Variants in FBXL17 observed in about 807,000 individuals in gnomAD.
FBXL17 encodes the protein F-box and leucine rich repeat protein 17.
FBXL17 carries 22 observed loss-of-function variants against 66.2 expected under a neutral mutation model. The ratio of observed to expected loss-of-function variants is 0.33; its 90% CI spans 0.24 to 0.47. The LOEUF (loss-of-function observed/expected upper bound fraction) is 0.47, where lower values mean the gene tolerates loss of function less well. Among genes scored for constraint, FBXL17 ranks in the 20% least tolerant of loss-of-function variants. FBXL17 has a pLI of 1.00. For missense variants in FBXL17, 878 were observed against 948.2 expected, an observed-to-expected ratio of 0.93 and a Z score of 0.97; for synonymous variants, 474 against 400.5, an observed-to-expected ratio of 1.18 and a Z score of -2.19.
chr5:108,222,958 T>G (rs1417402889), intron 5 of FBXL17, among the ~76,000 whole-genome samples: 1 of 151,916 alleles, frequency 6.6e-6, no homozygotes, highest in Non-Finnish European at 1.5e-5. Flanking sequence ...ACAGGAGTGA[T>G]CCATTGTGCC....
At chr5:108,199,715 A>G (rs1462657349) in intron 5 of FBXL17, among the ~76,000 whole-genome samples, 2 of 152,178 alleles carry the variant, frequency 1.3e-5, no homozygotes, top group African/African-American at 4.8e-5. Flanking sequence ...CTTAAAGAAA[A>G]TAAATATCAT....
At chr5:107,911,348 A>C (rs949212143) in intron 7 of FBXL17, among the ~76,000 whole-genome samples, 1 of 152,160 alleles carries the variant, frequency 6.6e-6, no homozygotes. Flanking sequence ...TGCCAATATC[A>C]CATATAAAAA....
At chr5:108,297,694 T>G (rs745565069) in intron 4 of FBXL17, 4 of 300,308 alleles carry the variant, frequency 1.3e-5, no homozygotes, top group Non-Finnish European at 2.0e-5. Flanking sequence ...GCTTTCAAAA[T>G]TAGCATTCAG....
rs544088657 is a variant in FBXL17, at chr5:108,087,130, A to C, written c.1746-66129T>G. Among the ~76,000 whole-genome samples the C allele has an allele frequency of 2.6e-5, 4 of 152,190 alleles. No homozygotes were observed. The South Asian group carries it at 8.3e-4, about 32-fold the overall frequency. The stretch of plus-strand genomic sequence containing the variant: ...GCTGATGGATTGAGGAAATTCTGAA[A>C]CCTACCCAACCTCTGAGCCTCTGTT... On this transcript the variant is annotated intron_variant, in intron 6 of 8. Transcript: ENST00000542267.
At chr5:107,925,789 C>T (rs1221638825) in intron 7 of FBXL17, among the ~76,000 whole-genome samples, 1 of 152,116 alleles carries the variant, frequency 6.6e-6, no homozygotes, top group Admixed American at 6.6e-5. Flanking sequence ...CCTGAGATAA[C>T]CTCTTAAATA....
intron 7 of FBXL17, among the ~76,000 whole-genome samples, chr5:107,944,490 T>C (rs1019368701): frequency 3.3e-5 from 5 of 152,114 alleles, no homozygotes; most frequent in African/African-American, 1.2e-4. Context: ...AGCAAGCATG[T>C]TCTAAAGGAG....
At chr5:108,260,632 A>G (rs1412033028) in intron 4 of FBXL17, among the ~76,000 whole-genome samples, 1 of 152,120 alleles carries the variant, frequency 6.6e-6, no homozygotes, top group East Asian at 1.9e-4. Context: ...TCAGGCCCAC[A>G]AAATGAGAGA....
At chr5:108,095,019 C>T (rs1468416403) in intron 6 of FBXL17, among the ~76,000 whole-genome samples, 1 of 151,856 alleles carries the variant, frequency 6.6e-6, no homozygotes. Flanking sequence ...CTTCTCTGGC[C>T]AAATATGATA....
chr5:108,106,677 T>C (rs368868579), intron 6 of FBXL17, among the ~76,000 whole-genome samples: 7 of 152,344 alleles, frequency 4.6e-5, no homozygotes, highest in African/African-American at 1.2e-4. Flanking sequence ...ATTCCACTTA[T>C]ATGAAATGTC....
intron 7 of FBXL17, among the ~76,000 whole-genome samples, chr5:107,990,652 G>A (rs1753203354): frequency 6.6e-6 from 1 of 152,032 alleles, no homozygotes; most frequent in South Asian, 2.1e-4. Context: ...TTAAAACAGG[G>A]CTGGCATATA....
chr5:108,362,600 T>A (rs903794275), intron 3 of FBXL17, among the ~76,000 whole-genome samples: 2 of 152,122 alleles, frequency 1.3e-5, no homozygotes, highest in African/African-American at 4.8e-5. Flanking sequence ...CAGGGTGGTA[T>A]TTCACAAAGA....
At chr5:108,353,103 A>C (rs1408799847) in intron 3 of FBXL17, among the ~76,000 whole-genome samples, 1 of 152,250 alleles carries the variant, frequency 6.6e-6, no homozygotes, top group Non-Finnish European at 1.5e-5. Context: ...GCTTTAAAAG[A>C]AAAGATTTCT....
intron 7 of FBXL17, among the ~76,000 whole-genome samples, chr5:108,007,062 T>C (rs912292324): frequency 6.6e-6 from 1 of 152,222 alleles, no homozygotes; most frequent in Non-Finnish European, 1.5e-5. Context: ...TCTTTTTGCC[T>C]CAGTATGGTT....
chr5:108,343,272 T>A (rs1455876278), intron 4 of FBXL17, among the ~76,000 whole-genome samples: 1 of 152,172 alleles, frequency 6.6e-6, no homozygotes, highest in Non-Finnish European at 1.5e-5. Flanking sequence ...GATCACCTCT[T>A]TAGAATGCCA....
chr5:107,970,544 A>G (rs1752329895), intron 7 of FBXL17, among the ~76,000 whole-genome samples: 1 of 152,160 alleles, frequency 6.6e-6, no homozygotes, highest in African/African-American at 2.4e-5. Context: ...CAAAAATAAG[A>G]GCAGAAAGAA....
In FBXL17 at chr5:108,013,587, A is replaced by G. The variant is rs1754264886; in HGVS notation, c.1822+7338T>C. Among the ~76,000 whole-genome samples the G allele has an allele frequency of 2.0e-5, 3 of 152,194 alleles. No homozygotes were observed. The South Asian group carries it at 6.2e-4, about 32-fold the overall frequency. On this transcript the variant is annotated intron_variant, in intron 7 of 8. Coordinates refer to ENST00000542267, the MANE Select transcript of FBXL17 (RefSeq NM_001163315.3). ...TTGAGCCCCAACATGTCATAGGCAG[A>G]AAATTTTACATGGTTTCCGTCTTCT...
chr5:107,947,018 T>C (rs932645520), intron 7 of FBXL17, among the ~76,000 whole-genome samples: 7 of 152,126 alleles, frequency 4.6e-5, no homozygotes, highest in Non-Finnish European at 8.8e-5. Flanking sequence ...AGAAAGCCCT[T>C]GTAAGATGCA....
chr5:108,375,843 T>C (rs1749387000), intron 1 of FBXL17, among the ~76,000 whole-genome samples: 1 of 152,276 alleles, frequency 6.6e-6, no homozygotes, highest in Non-Finnish European at 1.5e-5. Flanking sequence ...CAATGTCCCT[T>C]ATGAATACCG....
rs1753320856 is a variant in FBXL17, at chr5:108,188,263, GAT to G, written c.1615-2018_1615-2017del. On this transcript the variant is annotated intron_variant, in intron 5 of 8. Transcript: ENST00000542267. Reference sequence around the variant, plus strand: ...CTGAAGCATGCTGCCCAACTATGGAGATAAATAGAGATAGCTGCGACAGATAA... The same window carrying G: ...CTGAAGCATGCTGCCCAACTATGGAGAAATAGAGATAGCTGCGACAGATAA... 3.3e-5 allele frequency among the ~76,000 whole-genome samples: 5 copies of G among 152,266 alleles called. No individual in the cohort carries two copies. In the South Asian group the frequency reaches 1.0e-3, roughly 32 times the overall value.
Sources: allele counts gnomAD v4.1 joint callset (sites outside exome capture counted in the v4.1 genomes callset), GRCh38; gene constraint gnomAD v4.1.1; transcripts MANE v1.5; gene names NCBI Gene and HGNC (gene_info 2026-07-23, HGNC 2026-07-21).